PPP1R42: variants seen among roughly 807,000 people sequenced by gnomAD.
PPP1R42 encodes leucine rich repeat containing 67.
Under a neutral mutation model 31.0 loss-of-function variants are expected in PPP1R42, and 34 were observed. That is an observed-to-expected ratio of 1.10 (90% confidence interval 0.83 to 1.46). The LOEUF is 1.46. Among genes scored for constraint, PPP1R42 ranks in the 40% most tolerant of loss-of-function variants. The probability of loss-of-function intolerance (pLI) is 0.00; values close to 1 mark genes in which losing one functional copy is unlikely to be tolerated. For synonymous variants in PPP1R42, 103 were observed against 109.8 expected (o/e 0.94, Z 0.39); for missense variants, 268 against 303.0 (o/e 0.88, Z 0.86).
chr8:67,023,050 A>C (rs1383986794), intron 1 of PPP1R42, among the ~76,000 whole-genome samples: 1 of 142,618 alleles, frequency 7.0e-6, no homozygotes. Context: ...TGCTAATTTA[A>C]TGATTTTCAG....
chr8:67,008,505 C>G (rs947783114), intron 5 of PPP1R42, among the ~76,000 whole-genome samples: 1 of 151,924 alleles, frequency 6.6e-6, no homozygotes, highest in South Asian at 2.1e-4. Context: ...GTTAGGAGTT[C>G]GAGACCAGTC....
intron 5 of PPP1R42, among the ~76,000 whole-genome samples, chr8:67,007,982 G>A (rs1175748571): frequency 6.6e-6 from 1 of 150,508 alleles, no homozygotes; most frequent in Non-Finnish European, 1.5e-5. Context: ...CGCCTCCCAG[G>A]TTCAAGTGAT....
intron 7 of PPP1R42, among the ~76,000 whole-genome samples, chr8:66,979,161 C>T (rs891492927): frequency 6.6e-6 from 1 of 152,102 alleles, no homozygotes; most frequent in African/African-American, 2.4e-5. Context: ...CCTCTGTTTT[C>T]TTCTAGTAGT....
intron 5 of PPP1R42, among the ~76,000 whole-genome samples, chr8:67,000,044 C>T (rs1469193127): frequency 6.6e-6 from 1 of 152,104 alleles, no homozygotes; most frequent in Admixed American, 6.5e-5. Context: ...CAGCTTTTGG[C>T]ATCATTGATT....
intron 2 of PPP1R42, among the ~76,000 whole-genome samples, chr8:67,015,058 G>A (rs1815966610): frequency 6.6e-6 from 1 of 151,808 alleles, no homozygotes; most frequent in African/African-American, 2.4e-5. Context: ...TCATTCTGTT[G>A]GCCAGGCTGG....
intron 6 of PPP1R42, 196 bp downstream of exon 6, chr8:66,988,204 C>A (rs1180165831): frequency 1.6e-6 from 2 of 1,221,058 alleles, no homozygotes; most frequent in East Asian, 3.6e-5. Flanking sequence ...GCTTTAATTA[C>A]TTCTGAACAG....
At chr8:66,971,978 A>G in intron 7 of PPP1R42, among the ~76,000 whole-genome samples, 1 of 152,258 alleles carries the variant, frequency 6.6e-6, no homozygotes, top group East Asian at 1.9e-4. Flanking sequence ...GGTTGCACAG[A>G]GGTGCCTTTA....
chr8:67,002,641 T>G (rs576125251), intron 5 of PPP1R42, among the ~76,000 whole-genome samples: 10 of 151,782 alleles, frequency 6.6e-5, no homozygotes, highest in South Asian at 4.2e-4. Context: ...TTGGCAATTT[T>G]GGGGCCACTT....
intron 7 of PPP1R42, among the ~76,000 whole-genome samples, chr8:66,967,971 G>A (rs1814432817): frequency 6.6e-6 from 1 of 151,526 alleles, no homozygotes; most frequent in South Asian, 2.1e-4. Context: ...CTAAGGCTCA[G>A]GCACCTCCTA....
At chr8:66,983,132 A>C (rs542312903) in intron 6 of PPP1R42, among the ~76,000 whole-genome samples, 1 of 152,298 alleles carries the variant, frequency 6.6e-6, no homozygotes, top group African/African-American at 2.4e-5. Flanking sequence ...ACACACAAAA[A>C]ATAAAAAAAT....
At chr8:66,980,081 G>C (rs1814783633) in intron 7 of PPP1R42, among the ~76,000 whole-genome samples, 1 of 152,038 alleles carries the variant, frequency 6.6e-6, no homozygotes. Flanking sequence ...CAGCCAGCCA[G>C]GAATGAACAG....
At chr8:66,976,280 G>A (rs1423990524) in intron 7 of PPP1R42, among the ~76,000 whole-genome samples, 2 of 152,074 alleles carry the variant, frequency 1.3e-5, no homozygotes, top group East Asian at 1.9e-4. Flanking sequence ...CTGACTCTGC[G>A]TTATGGTGAA....
At chr8:67,009,926 TC>T (rs1385955519) in intron 5 of PPP1R42, among the ~76,000 whole-genome samples, 4 of 152,236 alleles carry the variant, frequency 2.6e-5, no homozygotes, top group African/African-American at 9.6e-5. Context: ...AAGCTCATTC[TC>T]CTTCCTGTGG....
intron 7 of PPP1R42, among the ~76,000 whole-genome samples, chr8:66,969,210 T>G (rs1015897217): frequency 7.2e-5 from 11 of 152,242 alleles, no homozygotes; most frequent in African/African-American, 2.4e-4. Context: ...CACGTGGCAA[T>G]GTATAGAATT....
chr8:66,985,131 A>G (rs978871407), intron 6 of PPP1R42: 2 of 1,180,944 alleles, frequency 1.7e-6, no homozygotes, highest in Non-Finnish European at 2.5e-6. Flanking sequence ...TAGTCAAAGT[A>G]TGGATGTCTG....
chr8:66,985,573 A>G, intron 6 of PPP1R42: 1 of 1,345,942 alleles, frequency 7.4e-7, no homozygotes, highest in Non-Finnish European at 1.1e-6. Flanking sequence ...TCCTGGCTTC[A>G]GTGCCAGCCC....
chr8:67,026,230 C>T (rs1033893473), intron 1 of PPP1R42, among the ~76,000 whole-genome samples: 3 of 151,348 alleles, frequency 2.0e-5, no homozygotes, highest in South Asian at 2.1e-4. Flanking sequence ...CCCAGCTACT[C>T]GGGAGGCTGA....
chr8:66,985,234 T>C, intron 6 of PPP1R42: 1 of 1,109,662 alleles, frequency 9.0e-7, no homozygotes, highest in Non-Finnish European at 1.4e-6. Flanking sequence ...TTTGCCCTTG[T>C]CATGGAATTT....
chr8:66,986,121 C>A, intron 6 of PPP1R42: 1 of 688,434 alleles, frequency 1.5e-6, no homozygotes, highest in South Asian at 1.4e-5. Context: ...TACAGCAGTT[C>A]AATGCTGCTG....
Sources: gnomAD v4.1 joint callset for allele counts (sites outside exome capture counted in the v4.1 genomes callset) on GRCh38, gnomAD v4.1.1 for gene constraint, MANE v1.5 for transcripts, NCBI Gene and HGNC (gene_info 2026-07-23, HGNC 2026-07-21) for gene names.